The following OXR1 variants were observed in gnomAD, a reference collection of about 807,000 sequenced individuals.
OXR1 encodes oxidation resistance 1, also known as oxidation resistance protein 1.
In OXR1, 41 loss-of-function variants were observed where a neutral mutation model predicts 104.6. The observed-to-expected ratio is 0.39, with a 90% CI of 0.31 to 0.51. The LOEUF (loss-of-function observed/expected upper bound fraction) is 0.51, where lower values mean the gene tolerates loss of function less well. Among genes scored for constraint, OXR1 ranks in the 20% least tolerant of loss-of-function variants. The pLI is 0.77. For synonymous variants in OXR1, 348 were observed against 348.4 expected (o/e 1.00, Z 0.01); for missense variants, 955 against 1,031.9 (o/e 0.93, Z 1.02).
At chr8:106,468,881 G>A (rs371482109) in intron 2 of OXR1, among the ~76,000 whole-genome samples, 90 of 151,788 alleles carry the variant, frequency 5.9e-4, no homozygotes, top group Non-Finnish European at 9.3e-4. Context: ...AGAATTTATC[G>A]TAAGGAAGAT....
chr8:106,592,264 A>G (rs1395503047), intron 3 of OXR1, among the ~76,000 whole-genome samples: 1 of 152,206 alleles, frequency 6.6e-6, no homozygotes, highest in African/African-American at 2.4e-5. Context: ...TGTGTGAGTA[A>G]ACAGCCAATA....
chr8:106,499,677 C>A (rs950001964), intron 2 of OXR1, among the ~76,000 whole-genome samples: 1 of 152,180 alleles, frequency 6.6e-6, no homozygotes, highest in Non-Finnish European at 1.5e-5. Flanking sequence ...CTCTTTTCTT[C>A]TTTGACTTTT....
chr8:106,545,182 G>A (rs1332247477), intron 3 of OXR1, among the ~76,000 whole-genome samples: 1 of 152,146 alleles, frequency 6.6e-6, no homozygotes, highest in East Asian at 1.9e-4. Flanking sequence ...ACCCCTGGTT[G>A]AAAGCTACTC....
At chr8:106,672,783 T>A (rs776949) in intron 3 of OXR1, among the ~76,000 whole-genome samples, 91,915 of 151,818 alleles carry the variant, frequency 0.61, 28,666 homozygotes, top group African/African-American at 0.76. Flanking sequence ...GTCTCATGAG[T>A]TCTGATGGTT....
intron 2 of OXR1, among the ~76,000 whole-genome samples, chr8:106,502,993 CT>C (rs1811910760): frequency 6.6e-6 from 1 of 152,198 alleles, no homozygotes; most frequent in South Asian, 2.1e-4. Flanking sequence ...AACTACTTAT[CT>C]TTTTTTATAG....
chr8:106,318,530 C>T (rs1311467592), intron 1 of OXR1, among the ~76,000 whole-genome samples: 1 of 152,212 alleles, frequency 6.6e-6, no homozygotes, highest in African/African-American at 2.4e-5. Flanking sequence ...TCTGCCTTGC[C>T]TCAAATGTTA....
At chr8:106,437,142 T>A (rs1819612791) in intron 2 of OXR1, among the ~76,000 whole-genome samples, 1 of 152,122 alleles carries the variant, frequency 6.6e-6, no homozygotes, top group Admixed American at 6.6e-5. Flanking sequence ...TCTTTTAAAA[T>A]TCATTGTGAG....
In OXR1 at chr8:106,415,857, G is replaced by A. The variant is rs144506956; in HGVS notation, c.23+56221G>A. 6.8e-4 allele frequency among the ~76,000 whole-genome samples: 104 copies of A among 152,040 alleles called. 1 individual carries two copies. The East Asian group carries it at 0.013, about 19-fold the overall frequency. On this transcript the variant is annotated intron_variant, in intron 2 of 16. Coordinates refer to ENST00000517566, the MANE Select transcript of OXR1 (RefSeq NM_001198533.2). Reference sequence around the variant, plus strand: ...GTGTCTCTCAAAGACATGTTTATGCGTTTGATGCATAGCATGGCATCTTGG... The same window carrying A: ...GTGTCTCTCAAAGACATGTTTATGCATTTGATGCATAGCATGGCATCTTGG...
chr8:106,348,767 A>T (rs528484565), intron 1 of OXR1, among the ~76,000 whole-genome samples: 2 of 152,320 alleles, frequency 1.3e-5, no homozygotes, highest in African/African-American at 4.8e-5. Flanking sequence ...GGCTAGTTCC[A>T]AGTGAAGAGC....
chr8:106,607,675 G>T (rs1423980597), intron 3 of OXR1, among the ~76,000 whole-genome samples: 1 of 152,198 alleles, frequency 6.6e-6, no homozygotes, highest in Non-Finnish European at 1.5e-5. Flanking sequence ...GCATGCCAAA[G>T]GGTGCAGGGA....
chr8:106,672,228 A>G (rs1827081414), intron 3 of OXR1, among the ~76,000 whole-genome samples: 1 of 151,890 alleles, frequency 6.6e-6, no homozygotes, highest in Non-Finnish European at 1.5e-5. Flanking sequence ...CTGTAATTCC[A>G]ACACTTTGGG....
intron 1 of OXR1, among the ~76,000 whole-genome samples, chr8:106,347,058 A>G (rs938207019): frequency 6.6e-6 from 1 of 152,202 alleles, no homozygotes; most frequent in African/African-American, 2.4e-5. Context: ...AAAGAAAAAC[A>G]AAAAAGGAAG....
chr8:106,429,787 A>G (rs927126145), intron 2 of OXR1, among the ~76,000 whole-genome samples: 3 of 151,424 alleles, frequency 2.0e-5, no homozygotes, highest in African/African-American at 7.3e-5. Flanking sequence ...TCCACCAGGG[A>G]TGGTTGGTTT....
chr8:106,531,729 CAAT>C (rs1213773721), intron 3 of OXR1, among the ~76,000 whole-genome samples: 1 of 152,058 alleles, frequency 6.6e-6, no homozygotes, highest in Non-Finnish European at 1.5e-5. Context: ...AAAATCAGCA[CAAT>C]AATATTTACT....
intron 3 of OXR1, among the ~76,000 whole-genome samples, chr8:106,669,458 C>T (rs915034601): frequency 2.0e-5 from 3 of 151,568 alleles, no homozygotes; most frequent in Admixed American, 6.6e-5. Context: ...TTGTTTTGAT[C>T]GTGGATAAGG....
intron 1 of OXR1, among the ~76,000 whole-genome samples, chr8:106,297,532 G>A (rs150930265): frequency 5.3e-5 from 8 of 151,816 alleles, no homozygotes; most frequent in African/African-American, 7.3e-5. Context: ...TTATTGTACC[G>A]AATACTGTAG....
chr8:106,312,827 C>T (rs1265871496), intron 1 of OXR1, among the ~76,000 whole-genome samples: 3 of 152,162 alleles, frequency 2.0e-5, no homozygotes. Context: ...ATTGGCCCAA[C>T]ATAAAATTAT....
chr8:106,606,288 C>CTTTATTTATTTATTTATTTATTTATTTA (rs140600718), intron 3 of OXR1, among the ~76,000 whole-genome samples: 5 of 145,996 alleles, frequency 3.4e-5, no homozygotes, highest in East Asian at 2.0e-4. Context: ...CTATGATACT[C>CTTTATTTATTTATTTATTTATTTATTTA]TTTATTTATT....
At chr8:106,713,683 G>GA in intron 10 of OXR1, 140 bp from the exon 11 acceptor site, 1 of 483,648 alleles carries the variant, frequency 2.1e-6, no homozygotes, top group Non-Finnish European at 3.5e-6. Flanking sequence ...CCTGATAGTA[G>GA]ACCTTTTATA....
Sources: allele counts gnomAD v4.1 joint callset (sites outside exome capture counted in the v4.1 genomes callset), GRCh38; gene constraint gnomAD v4.1.1; transcripts MANE v1.5; gene names NCBI Gene and HGNC (gene_info 2026-07-23, HGNC 2026-07-21).